The following RGS6 variants were observed in gnomAD, a reference collection of about 807,000 sequenced individuals.
The protein encoded by RGS6 is regulator of G protein signaling 6.
In RGS6, 30 loss-of-function variants were observed where a neutral mutation model predicts 78.5. That is an observed-to-expected ratio of 0.38 (90% CI 0.29 to 0.52). The LOEUF (loss-of-function observed/expected upper bound fraction) is 0.52, where lower values mean the gene tolerates loss of function less well. Ranked by LOEUF, RGS6 falls within the 20% of genes least tolerant of loss-of-function variation. The pLI is 0.85. For synonymous variants in RGS6, 206 were observed against 206.0 expected (o/e 1.00, Z 0.00); for missense variants, 495 against 609.7 (o/e 0.81, Z 1.98).
intron 3 of RGS6, among the ~76,000 whole-genome samples, chr14:72,356,265 A>G (rs1371830183): frequency 6.6e-6 from 1 of 152,026 alleles, no homozygotes; most frequent in Non-Finnish European, 1.5e-5. Flanking sequence ...CATAATAGCG[A>G]GTGAGTTCTC....
At chr14:72,241,741 AT>A (rs533246777) in intron 2 of RGS6, among the ~76,000 whole-genome samples, 27 of 152,352 alleles carry the variant, frequency 1.8e-4, no homozygotes, top group African/African-American at 6.5e-4. Flanking sequence ...ACCTCTAATT[AT>A]CTATTTTAAT....
the RGS6 span, among the ~76,000 whole-genome samples, chr14:72,618,378 G>A: frequency 1.3e-5 from 2 of 152,154 alleles, no homozygotes; most frequent in African/African-American, 2.4e-5. Flanking sequence ...GGCAGCCTTC[G>A]CTCCCCTTCC....
the RGS6 span, among the ~76,000 whole-genome samples, chr14:71,900,789 A>C: frequency 6.6e-6 from 1 of 152,256 alleles, no homozygotes; most frequent in East Asian, 1.9e-4. Flanking sequence ...TAGTTTGTTC[A>C]TGGTTCTACA....
chr14:72,110,245 G>A (rs1038868200), intron 2 of RGS6, among the ~76,000 whole-genome samples: 1 of 152,170 alleles, frequency 6.6e-6, no homozygotes, highest in African/African-American at 2.4e-5. Context: ...AGTTTACAGA[G>A]GAAGAGACTT....
chr14:72,496,758 T>C (rs577993604), intron 13 of RGS6, among the ~76,000 whole-genome samples: 3 of 152,330 alleles, frequency 2.0e-5, no homozygotes, highest in African/African-American at 7.2e-5. Flanking sequence ...TTTGGGAACA[T>C]CTGATTTAGT....
chr14:72,289,253 T>C (rs568871592), intron 2 of RGS6, among the ~76,000 whole-genome samples: 19 of 152,260 alleles, frequency 1.2e-4, no homozygotes, highest in Admixed American at 4.6e-4. Context: ...CTGCATGCTC[T>C]CCCTCTCTAT....
chr14:72,279,417 G>T (rs2061226030), intron 2 of RGS6, among the ~76,000 whole-genome samples: 1 of 152,090 alleles, frequency 6.6e-6, no homozygotes, highest in Non-Finnish European at 1.5e-5. Context: ...AAGTGACGAG[G>T]TATGTGAGCT....
chr14:72,359,935 A>G (rs2081131108), intron 3 of RGS6, among the ~76,000 whole-genome samples: 2 of 152,140 alleles, frequency 1.3e-5, no homozygotes, highest in Admixed American at 1.3e-4. Flanking sequence ...AGATGAGGAG[A>G]GTGATTCGAG....
At chr14:72,366,974 A>G (rs1596327803) in intron 3 of RGS6, among the ~76,000 whole-genome samples, 2 of 152,266 alleles carry the variant, frequency 1.3e-5, no homozygotes, top group East Asian at 3.9e-4. Flanking sequence ...ACCCTCAGAA[A>G]CACAAATTCC....
intron 3 of RGS6, among the ~76,000 whole-genome samples, chr14:72,375,068 G>A (rs1341018643): frequency 3.9e-5 from 6 of 152,060 alleles, no homozygotes; most frequent in South Asian, 2.1e-4. Context: ...AATGTATCAC[G>A]GAAAGGCAGA....
the RGS6 span, among the ~76,000 whole-genome samples, chr14:71,905,759 G>C: frequency 2.2e-4 from 33 of 152,312 alleles, no homozygotes; most frequent in South Asian, 3.3e-3. Flanking sequence ...CAAAGTGCTA[G>C]GATACAGGCA....
At chr14:71,911,567 G>T in the RGS6 span, among the ~76,000 whole-genome samples, 1 of 152,182 alleles carries the variant, frequency 6.6e-6, no homozygotes. Flanking sequence ...TTCAGATGCA[G>T]GTCTTTGAGA....
At chr14:71,932,087 G>C (rs933034829), upstream of RGS6, among the ~76,000 whole-genome samples, 1 of 152,218 alleles carries the variant, frequency 6.6e-6, no homozygotes, top group East Asian at 1.9e-4. Flanking sequence ...TTTCCGGACC[G>C]GGCCAGTTTG....
At chr14:72,052,973 C>A (rs1388341166) in intron 2 of RGS6, among the ~76,000 whole-genome samples, 3 of 46,462 alleles carry the variant, frequency 6.5e-5, no homozygotes, top group African/African-American at 5.2e-4. Context: ...TTCTTTCTTT[C>A]TTTCTTTCTT....
chr14:72,372,366 A>G (rs1461519906), intron 3 of RGS6, among the ~76,000 whole-genome samples: 1 of 152,234 alleles, frequency 6.6e-6, no homozygotes, highest in Non-Finnish European at 1.5e-5. Context: ...AAATTCCAAC[A>G]CTTAATTCAG....
chr14:72,370,595 G>A (rs1322493274), intron 3 of RGS6, among the ~76,000 whole-genome samples: 1 of 152,132 alleles, frequency 6.6e-6, no homozygotes, highest in Non-Finnish European at 1.5e-5. Flanking sequence ...CCTAAAAATG[G>A]ATGTCAAGGC....
At chr14:72,145,385 A>G (rs1325534779) in intron 2 of RGS6, among the ~76,000 whole-genome samples, 1 of 152,200 alleles carries the variant, frequency 6.6e-6, no homozygotes, top group Non-Finnish European at 1.5e-5. Flanking sequence ...AGTTCAGCCT[A>G]CGCCCAAGAA....
intron 14 of RGS6, among the ~76,000 whole-genome samples, chr14:72,514,344 A>G (rs1296922402): frequency 6.6e-6 from 1 of 152,252 alleles, no homozygotes; most frequent in African/African-American, 2.4e-5. Flanking sequence ...ATGAAAAGAT[A>G]TGTAAACTGG....
intron 2 of RGS6, among the ~76,000 whole-genome samples, chr14:72,248,915 T>C (rs901821784): frequency 1.3e-5 from 2 of 152,244 alleles, no homozygotes; most frequent in African/African-American, 4.8e-5. Flanking sequence ...ATTGACCATG[T>C]TAATTAACTC....
Sources: gnomAD v4.1 joint callset for allele counts (sites outside exome capture counted in the v4.1 genomes callset) on GRCh38, gnomAD v4.1.1 for gene constraint, MANE v1.5 for transcripts, NCBI Gene and HGNC (gene_info 2026-07-23, HGNC 2026-07-21) for gene names.